SSUH2: variants seen among roughly 807,000 people sequenced by gnomAD.
The protein encoded by SSUH2 is ssu-2 homolog.
In SSUH2, 47 loss-of-function variants were observed where a neutral mutation model predicts 55.3. The ratio of observed to expected loss-of-function variants is 0.85; its 90% CI spans 0.67 to 1.08. The LOEUF (loss-of-function observed/expected upper bound fraction) is 1.08. SSUH2 is among the 50% of genes least tolerant of loss of function. SSUH2 has a pLI of 0.00. For synonymous variants in SSUH2, 212 were observed against 191.5 expected (o/e 1.11, Z -0.89); for missense variants, 535 against 490.7 (o/e 1.09, Z -0.85).
chr3:8,653,892 G>A (rs1205876778), intron 7 of SSUH2, among the ~76,000 whole-genome samples: 1 of 152,060 alleles, frequency 6.6e-6, no homozygotes, highest in African/African-American at 2.4e-5. Flanking sequence ...TCTACCTCCC[G>A]ACCCTTCCAC....
intron 11 of SSUH2, among the ~76,000 whole-genome samples, chr3:8,621,410 TTC>T (rs1213523568): frequency 6.6e-6 from 1 of 152,210 alleles, no homozygotes; most frequent in African/African-American, 2.4e-5. Context: ...CTGCTTCGAC[TTC>T]TCTCTCCATT....
intron 3 of SSUH2, among the ~76,000 whole-genome samples, chr3:8,673,536 A>G (rs1255315322): frequency 6.6e-6 from 1 of 152,142 alleles, no homozygotes; most frequent in Non-Finnish European, 1.5e-5. Flanking sequence ...CTACAGCGAA[A>G]AGCCGCAAGC....
intron 3 of SSUH2, chr3:8,634,073 A>T: frequency 2.1e-6 from 2 of 932,088 alleles, no homozygotes; most frequent in Non-Finnish European, 3.2e-6. Context: ...AACTGAAGAA[A>T]CACAACCTTA....
intron 5 of SSUH2, among the ~76,000 whole-genome samples, chr3:8,668,223 T>C (rs966150543): frequency 3.3e-5 from 5 of 152,206 alleles, no homozygotes; most frequent in Admixed American, 2.0e-4. Context: ...TTAATTTCCC[T>C]GTAGCAAGAA....
At chr3:8,664,428 T>A (rs879156348) in intron 5 of SSUH2, among the ~76,000 whole-genome samples, 1 of 152,240 alleles carries the variant, frequency 6.6e-6, no homozygotes, top group South Asian at 2.1e-4. Context: ...AGGCCCCAAT[T>A]TGGAGCATTC....
At chr3:8,663,980 T>C (rs1256063509) in intron 5 of SSUH2, 1 of 372,982 alleles carries the variant, frequency 2.7e-6, no homozygotes, top group African/African-American at 2.1e-5. Flanking sequence ...ACTTACACAA[T>C]ATAGCTTCTA....
intron 4 of SSUH2, among the ~76,000 whole-genome samples, chr3:8,632,416 A>G (rs966198755): frequency 9.8e-5 from 15 of 152,372 alleles, no homozygotes; most frequent in African/African-American, 3.6e-4. Flanking sequence ...TGTCTTTGAT[A>G]GATGGAGGTC....
At chr3:8,632,169 C>A in intron 4 of SSUH2, 60 bp from the exon 5 acceptor site, 1 of 1,442,888 alleles carries the variant, frequency 6.9e-7, no homozygotes, top group Non-Finnish European at 9.8e-7. Context: ...GAGCATTATG[C>A]AAAAAGATGA....
intron 7 of SSUH2, 134 bp downstream of exon 7, chr3:8,629,530 G>A (rs1340353855): frequency 9.6e-6 from 7 of 730,604 alleles, no homozygotes; most frequent in Non-Finnish European, 1.6e-5. Flanking sequence ...TGGAGGCCCA[G>A]AAAGGGAGGA....
chr3:8,642,920 C>T (rs908966329), intron 1 of SSUH2, among the ~76,000 whole-genome samples: 6 of 152,148 alleles, frequency 3.9e-5, no homozygotes, highest in African/African-American at 1.4e-4. Context: ...TTGCAGTGAA[C>T]CCCAAGTGCT....
At chr3:8,661,165 G>A (rs1261514619) in intron 6 of SSUH2, among the ~76,000 whole-genome samples, 1 of 152,158 alleles carries the variant, frequency 6.6e-6, no homozygotes. Context: ...ACAATTGTAA[G>A]TAACCAGGCA....
intron 5 of SSUH2, among the ~76,000 whole-genome samples, chr3:8,667,898 G>C (rs80247211): frequency 2.4e-3 from 363 of 152,180 alleles, no homozygotes; most frequent in Non-Finnish European, 4.4e-3. Context: ...ATATCTCAGC[G>C]CATTACACCT....
At chr3:8,646,043 C>T (rs1302198594), upstream of SSUH2, among the ~76,000 whole-genome samples, 1 of 152,112 alleles carries the variant, frequency 6.6e-6, no homozygotes, top group Non-Finnish European at 1.5e-5. Flanking sequence ...AGACCATGAT[C>T]CTGAGGAACA....
At position 8,678,726 on chromosome 3, in the gene SSUH2, G is replaced by A. The variant is rs866587416; in HGVS notation, c.-901+979C>T. ...CCTGGGTCTTAGGACCCCCAACGTG[G>A]GGGGGGGAGGCACCACACGCGAGGC... On this transcript the variant is annotated intron_variant, in intron 2 of 18. Coordinates refer to the SSUH2 transcript ENST00000317371. Among the ~76,000 whole-genome samples the A allele has an allele frequency of 7.2e-4, 24 of 33,220 alleles. 10 individuals carry two copies. Among genetic ancestry groups the A allele is most frequent in the Admixed American group, 1.9e-3 (6 of 3,170 alleles). 21.8% of individuals were successfully genotyped at this position (33,220 alleles called of 152,430 possible). A position where few individuals can be genotyped will look rare whatever the true frequency, so the allele number is the denominator to read the frequency against.
rs1251387415 is a variant in SSUH2 at position 8,679,155 on chromosome 3, G to A, written c.-901+550C>T. ...GGGGGAGGCACCCCCGCGAGGCGGG[G>A]ACTGAGAGGCAGCCGCTGTTCCCCC... On this transcript the variant is annotated intron_variant, in intron 2 of 18. Coordinates refer to the SSUH2 transcript ENST00000317371. Among the ~76,000 whole-genome samples, 75 of 91,962 alleles carry A rather than the reference G, an allele frequency of 8.2e-4. 20 individuals are homozygous for A. Among genetic ancestry groups the A allele is most frequent in the Non-Finnish European group, 1.5e-3 (59 of 39,552 alleles). 60.3% of individuals were successfully genotyped at this position (91,962 alleles called of 152,430 possible).
intron 8 of SSUH2, chr3:8,627,453 G>A: frequency 2.6e-6 from 1 of 384,906 alleles, no homozygotes; most frequent in Non-Finnish European, 4.6e-6. Flanking sequence ...CCTCCCTGCA[G>A]TGGCTCTTTC....
intron 5 of SSUH2, among the ~76,000 whole-genome samples, chr3:8,666,735 C>T (rs1293726131): frequency 2.0e-5 from 3 of 152,196 alleles, no homozygotes; most frequent in Non-Finnish European, 4.4e-5. Flanking sequence ...AACGTCAGAT[C>T]CCACAGGTTG....
In SSUH2 at chr3:8,629,983, C is replaced by G. The variant is rs569036848; in HGVS notation, c.526-257G>C. The stretch of plus-strand genomic sequence containing the variant: ...AGACGTGTTCTGGGAGCCCCATATC[C>G]TAGCTCACACTCTACGGTTTCCTAC... On this transcript the variant is annotated intron_variant, in intron 6 of 11. Transcript: ENST00000544814. 4.6e-5 allele frequency among the ~76,000 whole-genome samples: 7 copies of G among 152,262 alleles called. No individual in the cohort carries two copies. In the South Asian group the frequency reaches 1.5e-3, roughly 32 times the overall value.
chr3:8,638,909 T>C (rs530579392), intron 1 of SSUH2, among the ~76,000 whole-genome samples: 3 of 152,218 alleles, frequency 2.0e-5, no homozygotes, highest in East Asian at 1.9e-4. Context: ...GGAAATACCA[T>C]TCGGCTGCAA....
Sources: allele counts gnomAD v4.1 joint callset (sites outside exome capture counted in the v4.1 genomes callset), GRCh38; gene constraint gnomAD v4.1.1; transcripts MANE v1.5; gene names NCBI Gene and HGNC (gene_info 2026-07-23, HGNC 2026-07-21).